Variants in ODF2 observed in about 807,000 individuals in gnomAD.
ODF2 encodes outer dense fiber protein 2.
ODF2 carries 47 observed loss-of-function variants against 110.2 expected under a neutral mutation model. The observed-to-expected ratio is 0.43, with a 90% CI of 0.34 to 0.54. The LOEUF is 0.54. Among genes scored for constraint, ODF2 ranks in the 20% least tolerant of loss-of-function variants. The probability of loss-of-function intolerance (pLI) is 0.03; values close to 1 mark genes in which losing one functional copy is unlikely to be tolerated. For missense variants in ODF2, 812 were observed against 1,054.5 expected (o/e 0.77, Z 3.19); for synonymous variants, 352 against 397.7 (o/e 0.89, Z 1.37).
At chr9:128,479,277 C>CTT (rs1308020400) in intron 8 of ODF2, among the ~76,000 whole-genome samples, 1 of 152,162 alleles carries the variant, frequency 6.6e-6, no homozygotes, top group Admixed American at 6.5e-5. Flanking sequence ...TCAAGGGATA[C>CTT]TTTGTTCAGG....
In ODF2 at chr9:128,494,443, C is replaced by T. The variant is rs1279729696; in HGVS notation, c.1753-67C>T. 2 of 1,480,176 alleles carry T rather than the reference C, an allele frequency of 1.4e-6. No individual in the cohort carries two copies. The highest frequency in any genetic ancestry group is 9.4e-7 in the Non-Finnish European group (1 of 1,064,396). 91.7% of individuals were successfully genotyped at this position (1,480,176 alleles called of 1,614,324 possible). A position where few individuals can be genotyped will look rare whatever the true frequency, so the allele number is the denominator to read the frequency against. ...AACTCTAAAGGACTCTGCCTGGCTC[C>T]ACTAGGAGCCAGGTCTTTCCTAACT... is the stretch of plus-strand genomic sequence containing the variant. On this transcript the variant is annotated intron_variant, in intron 16 of 20. Transcript: ENST00000604420. This position sits in a 1 kb window ranked among gnomAD's most constrained non-coding sequence, Gnocchi z 4.6.
intron 8 of ODF2, among the ~76,000 whole-genome samples, chr9:128,475,041 G>A (rs1840967331): frequency 6.6e-6 from 1 of 151,932 alleles, no homozygotes; most frequent in African/African-American, 2.4e-5. Context: ...TTCTGCATTC[G>A]TGGATTCAGC....
chr9:128,466,156 A>C (rs1837829795), intron 4 of ODF2, among the ~76,000 whole-genome samples: 1 of 149,956 alleles, frequency 6.7e-6, no homozygotes, highest in Non-Finnish European at 1.5e-5. Flanking sequence ...AAACAAAAAA[A>C]ACGGAAAAGA....
chr9:128,456,444 C>T, intron 1 of ODF2, 189 bp downstream of exon 1: 1 of 1,515,978 alleles, frequency 6.6e-7, no homozygotes, highest in Non-Finnish European at 8.8e-7. Context: ...GGCCTCTCCT[C>T]CTCCCGCTAA....
chr9:128,476,289 T>A (rs1391812257), intron 8 of ODF2, among the ~76,000 whole-genome samples: 1 of 152,102 alleles, frequency 6.6e-6, no homozygotes, highest in Non-Finnish European at 1.5e-5. Context: ...ACGTTCTTCT[T>A]ATTTTTGCTT....
chr9:128,490,365 T>A (rs1030047952), intron 14 of ODF2, among the ~76,000 whole-genome samples: 1 of 151,916 alleles, frequency 6.6e-6, no homozygotes, highest in Non-Finnish European at 1.5e-5. Context: ...TCACTGCAAC[T>A]TCCACCTCCC....
intron 1 of ODF2, chr9:128,456,882 C>T (rs905492286): frequency 6.9e-6 from 9 of 1,307,738 alleles, no homozygotes; most frequent in South Asian, 3.4e-5. Context: ...CCTTTAAACA[C>T]TATTGGTCCT....
chr9:128,483,873 A>G (rs117357817), intron 10 of ODF2, 65 bp from the exon 11 acceptor site: 13,835 of 1,126,502 alleles, frequency 0.012, 350 homozygotes, highest in East Asian at 0.084. Flanking sequence ...GAAACGGAGC[A>G]AGACTCCGTA....
chr9:128,457,598 T>A, intron 2 of ODF2, among the ~76,000 whole-genome samples: 1 of 152,166 alleles, frequency 6.6e-6, no homozygotes, highest in African/African-American at 2.4e-5. Flanking sequence ...GGGAACGAAA[T>A]GTATACACAA....
upstream of ODF2, chr9:128,456,059 C>A (rs941131982): frequency 7.9e-5 from 120 of 1,509,808 alleles, no homozygotes; most frequent in Non-Finnish European, 1.0e-4. Flanking sequence ...ATGGCGAAAC[C>A]CAAGCGGCTC....
intron 10 of ODF2, among the ~76,000 whole-genome samples, chr9:128,483,611 G>A (rs1376605324): frequency 1.3e-5 from 2 of 148,638 alleles, no homozygotes; most frequent in African/African-American, 5.0e-5. Context: ...TTGACCATGC[G>A]CGGTGGCTCA....
chr9:128,480,328 A>G (rs1390633254), intron 8 of ODF2, among the ~76,000 whole-genome samples: 4 of 152,248 alleles, frequency 2.6e-5, no homozygotes, highest in African/African-American at 4.8e-5. Context: ...ACCCATATAC[A>G]TTGTAAAGTG....
At chr9:128,472,617 G>A (rs1052004309) in intron 6 of ODF2, among the ~76,000 whole-genome samples, 3 of 152,206 alleles carry the variant, frequency 2.0e-5, no homozygotes, top group Non-Finnish European at 4.4e-5. Context: ...GTGCGTAGGA[G>A]GGCGTGACAG....
At chr9:128,483,955 C>T (rs890061084) in exon 11 of ODF2, 1 of 1,613,402 alleles carries the variant, frequency 6.2e-7, no homozygotes, top group Non-Finnish European at 8.5e-7. Context: ...CAAAGACAGC[C>T]TCTGAGCTTT....
chr9:128,489,610 C>G (rs1384475356), intron 14 of ODF2, among the ~76,000 whole-genome samples: 1 of 152,232 alleles, frequency 6.6e-6, no homozygotes, highest in African/African-American at 2.4e-5. Context: ...GTTATATGAA[C>G]ACACCACAGT....
intron 1 of ODF2, chr9:128,456,764 G>T: frequency 1.0e-6 from 1 of 958,826 alleles, no homozygotes; most frequent in Non-Finnish European, 1.2e-6. Flanking sequence ...CCGGCGGGGG[G>T]GGGTCCCGCC....
At chr9:128,456,109 C>T (rs893200003), upstream of ODF2, 55 of 1,546,172 alleles carry the variant, frequency 3.6e-5, no homozygotes, top group African/African-American at 5.8e-4. Context: ...AGCTGCCGAC[C>T]GGGTGTCGGA....
At chr9:128,492,938 G>A (rs1482092113) in intron 16 of ODF2, 133 bp downstream of exon 16, 3 of 688,606 alleles carry the variant, frequency 4.4e-6, no homozygotes, top group South Asian at 3.6e-5. Flanking sequence ...TTTCTCATTG[G>A]TGGGCTCATC....
At chr9:128,484,153 C>G (rs28735797) in intron 11 of ODF2, 99 bp downstream of exon 11, 11,271 of 867,632 alleles carry the variant, frequency 0.013, 388 homozygotes, top group South Asian at 0.07. Context: ...AGTGTGCCTC[C>G]AAAGGTTTCT....
Sources: allele counts gnomAD v4.1 joint callset (sites outside exome capture counted in the v4.1 genomes callset), GRCh38; gene constraint gnomAD v4.1.1; non-coding constraint Gnocchi (gnomAD v3.1); transcripts MANE v1.5; gene names NCBI Gene and HGNC (gene_info 2026-07-23, HGNC 2026-07-21).